ZNF280D: variants seen among roughly 807,000 people sequenced by gnomAD.
The protein encoded by ZNF280D is suppressor of hairy wing homolog 4.
ZNF280D carries 39 observed loss-of-function variants against 94.7 expected under a neutral mutation model. The ratio of observed to expected loss-of-function variants is 0.41; its 90% CI spans 0.32 to 0.54. The LOEUF is 0.54. Among genes scored for constraint, ZNF280D ranks in the 20% least tolerant of loss-of-function variants. The pLI is 0.22. For missense variants in ZNF280D, 1,090 were observed against 1,149.3 expected (o/e 0.95, Z 0.75); for synonymous variants, 398 against 377.6 (o/e 1.05, Z -0.63).
intron 17 of ZNF280D, among the ~76,000 whole-genome samples, chr15:56,655,935 A>G (rs2053524409): frequency 6.6e-6 from 1 of 152,112 alleles, no homozygotes; most frequent in African/African-American, 2.4e-5. Flanking sequence ...TGTAAACAGA[A>G]CTCTTGAAAA....
chr15:56,682,315 G>T lies in ZNF280D; in HGVS notation c.943C>A (p.Gln315Lys), dbSNP rs777456195. 1.5e-5 allele frequency: 24 copies of T among 1,592,354 alleles called. No individual in the cohort carries two copies. In the Admixed American group the frequency reaches 4.1e-4, roughly 27 times the overall value. Residue 315 changes from glutamine to lysine, a missense_variant, in exon 10 of 22, where the codon CAG becomes AAG. By Grantham distance (53) the Gln-to-Lys change is moderately conservative. This residue lies in a region of ZNF280D where 386 missense variants were observed against 372.0 expected (regional missense o/e 1.04). Coordinates refer to ENST00000267807, the MANE Select transcript of ZNF280D (RefSeq NM_017661.4). ...GKHEGDVQEE[Q>K]KTHTTFKCFS... Reference sequence around the variant, plus strand: ...CATTTAAAGGTTGTGTGAGTCTTCTGTTCCTCCTGGACATCTCCTTCATGT... The same window carrying T: ...CATTTAAAGGTTGTGTGAGTCTTCTTTTCCTCCTGGACATCTCCTTCATGT...
At chr15:56,681,005 T>C (rs1401154182) in intron 10 of ZNF280D, among the ~76,000 whole-genome samples, 2 of 152,182 alleles carry the variant, frequency 1.3e-5, no homozygotes, top group East Asian at 3.8e-4. Flanking sequence ...CAAAATACAC[T>C]TTCCCTTTTG....
intron 16 of ZNF280D, among the ~76,000 whole-genome samples, chr15:56,661,643 T>G (rs2053950309): frequency 1.3e-5 from 2 of 152,274 alleles, no homozygotes; most frequent in East Asian, 3.9e-4. Context: ...CAGAAAATCT[T>G]CCCTTATTTC....
intron 19 of ZNF280D, among the ~76,000 whole-genome samples, chr15:56,650,453 G>A (rs2053141642): frequency 6.6e-6 from 1 of 152,110 alleles, no homozygotes; most frequent in Non-Finnish European, 1.5e-5. Context: ...TAGTGAGGCA[G>A]CTGGGTCCTT....
intron 1 of ZNF280D, among the ~76,000 whole-genome samples, chr15:56,731,506 CAAAAA>C (rs752976383): frequency 7.4e-5 from 6 of 80,870 alleles, no homozygotes; most frequent in Non-Finnish European, 1.1e-4. Context: ...GTACCTATCT[CAAAAA>C]AAAAAAAAAA....
intron 17 of ZNF280D, chr15:56,654,888 GC>G (rs1284150258): frequency 1.8e-5 from 8 of 453,782 alleles, no homozygotes; most frequent in Non-Finnish European, 3.5e-5. Flanking sequence ...ATTTACTGGA[GC>G]TATTTTTATA....
intron 19 of ZNF280D, among the ~76,000 whole-genome samples, chr15:56,645,888 A>G (rs947173715): frequency 2.6e-5 from 4 of 152,098 alleles, no homozygotes; most frequent in Non-Finnish European, 5.9e-5. Flanking sequence ...TTATAGTAGT[A>G]TGTTCCTTTG....
intron 9 of ZNF280D, 187 bp downstream of exon 9, chr15:56,688,852 TAA>T (rs2056236848): frequency 2.6e-6 from 1 of 387,298 alleles, no homozygotes; most frequent in African/African-American, 2.1e-5. Context: ...TATACAAATT[TAA>T]GTTTTAAAAT....
At chr15:56,712,350 A>C (rs1385503066) in intron 1 of ZNF280D, among the ~76,000 whole-genome samples, 2 of 152,150 alleles carry the variant, frequency 1.3e-5, no homozygotes, top group Non-Finnish European at 2.9e-5. Context: ...ATTAAGAAAA[A>C]AACGTTCAGG....
Position 56,660,225 on chromosome 15 carries a change from C to A in ZNF280D, c.1995-1739G>T, listed in dbSNP as rs1044530232. ...TTGTTTGATTACTAAAACATGTGAA[C>A]CAAAATAAGTTATTTTTAAACGAGA... On this transcript the variant is annotated intron_variant, in intron 16 of 21. Coordinates refer to ENST00000267807, the MANE Select transcript of ZNF280D (RefSeq NM_017661.4). 2.6e-5 allele frequency among the ~76,000 whole-genome samples: 4 copies of A among 152,054 alleles called. No homozygotes were observed. In the South Asian group the frequency reaches 8.3e-4, roughly 31 times the overall value.
At chr15:56,707,369 A>G (rs1263849833) in intron 1 of ZNF280D, 63 bp from the exon 2 acceptor site, 3 of 1,378,352 alleles carry the variant, frequency 2.2e-6, no homozygotes, top group Non-Finnish European at 2.9e-6. Context: ...TACATATTTA[A>G]TCTTTTCTCC....
chr15:56,653,244 A>C, intron 19 of ZNF280D: 1 of 1,154,100 alleles, frequency 8.7e-7, no homozygotes, highest in Non-Finnish European at 1.1e-6. Context: ...AGCAGCCAAA[A>C]TGACTAAACT....
Position 56,668,975 on chromosome 15 carries a change from GA to G in ZNF280D, c.1411-19del. ...CCTTTTTTCTGTTTAGAAAAAAACAGAAAAAGGGGGAAAAATAATTTCAAAA... is the reference window on the plus strand; with the variant it reads ...CCTTTTTTCTGTTTAGAAAAAAACAGAAAAGGGGGAAAAATAATTTCAAAA... On this transcript the variant is annotated intron_variant, in intron 13 of 21. Coordinates refer to ENST00000267807, the MANE Select transcript of ZNF280D (RefSeq NM_017661.4). 4 of 1,588,358 alleles carry G rather than the reference GA, an allele frequency of 2.5e-6. No homozygotes were observed. Among genetic ancestry groups the G allele is most frequent in the Admixed American group, 1.8e-5 (1 of 54,200 alleles).
chr15:56,689,490 G>A lies in ZNF280D; in HGVS notation c.500-20C>T. 7.2e-7 allele frequency: 1 copy of A among 1,396,614 alleles called. No individual in the cohort carries two copies. Among genetic ancestry groups the A allele is most frequent in the Non-Finnish European group, 9.6e-7 (1 of 1,045,130 alleles). 86.5% of individuals were successfully genotyped at this position (1,396,614 alleles called of 1,614,324 possible). ...TCATACCTACAATAATTTAAATAGT[G>A]AGAAAAATATTTTTTAAAATTAGAA... On this transcript the variant is annotated intron_variant, in intron 7 of 21. Transcript: ENST00000267807.
intron 1 of ZNF280D, 140 bp downstream of exon 1, chr15:56,733,318 C>T: frequency 5.6e-6 from 2 of 358,788 alleles, no homozygotes; most frequent in Non-Finnish European, 7.8e-6. Flanking sequence ...GTCTCCTCCC[C>T]CGCGCTCTGG....
chr15:56,640,334 G>C (rs1404044885), intron 20 of ZNF280D, among the ~76,000 whole-genome samples: 1 of 152,014 alleles, frequency 6.6e-6, no homozygotes, highest in Non-Finnish European at 1.5e-5. Flanking sequence ...TTGTTTCCCA[G>C]GCTGGTCTCT....
At chr15:56,724,268 A>C (rs1013833788) in intron 1 of ZNF280D, among the ~76,000 whole-genome samples, 1 of 152,146 alleles carries the variant, frequency 6.6e-6, no homozygotes, top group Non-Finnish European at 1.5e-5. Context: ...AGAGCCCCCA[A>C]ATTAACAATT....
At chr15:56,678,305 C>A (rs1223215285) in intron 11 of ZNF280D, among the ~76,000 whole-genome samples, 1 of 152,150 alleles carries the variant, frequency 6.6e-6, no homozygotes, top group African/African-American at 2.4e-5. Flanking sequence ...AGCCACTGCA[C>A]CCCGCCTGTG....
intron 2 of ZNF280D, 41 bp from the exon 3 acceptor site, chr15:56,707,191 T>C (rs1363956559): frequency 5.6e-6 from 9 of 1,608,360 alleles, no homozygotes; most frequent in Admixed American, 3.3e-5. Context: ...TCACTTTAAG[T>C]AACACCAAAT....
Sources: gnomAD v4.1 joint callset for allele counts (sites outside exome capture counted in the v4.1 genomes callset) on GRCh38, gnomAD v4.1.1 for gene constraint, gnomAD v4.1.1 regional missense constraint, MANE v1.5 for transcripts, NCBI Gene and HGNC (gene_info 2026-07-23, HGNC 2026-07-21) for gene names.